The following CSMD1 variants were observed in gnomAD, a reference collection of about 807,000 sequenced individuals.
The protein encoded by CSMD1 is CUB and Sushi multiple domains 1, also known as CUB and sushi domain-containing protein 1.
CSMD1 carries 213 observed loss-of-function variants against 417.5 expected under a neutral mutation model. The observed-to-expected ratio is 0.51, with a 90% CI of 0.46 to 0.57. The LOEUF (loss-of-function observed/expected upper bound fraction) is 0.57. Ranked by LOEUF, CSMD1 falls within the 20% of genes least tolerant of loss-of-function variation. The probability of loss-of-function intolerance (pLI) is 0.00; values close to 1 mark genes in which losing one functional copy is unlikely to be tolerated. For synonymous variants in CSMD1, 2,862 were observed against 1,736.8 expected (o/e 1.65, Z -16.11); for missense variants, 6,923 against 4,529.7 (o/e 1.53, Z -15.17).
intron 2 of CSMD1, among the ~76,000 whole-genome samples, chr8:4,570,548 G>A (rs1013832966): frequency 1.3e-5 from 2 of 152,152 alleles, no homozygotes; most frequent in African/African-American, 2.4e-5. Flanking sequence ...GTATTTTATT[G>A]AGGATTTTCA....
chr8:3,113,019 G>C (rs1156709719), intron 42 of CSMD1: 1 of 152,224 alleles, frequency 6.6e-6, no homozygotes, highest in African/African-American at 2.4e-5. Flanking sequence ...ATTTCCCCAA[G>C]TGGTGGCGTC....
intron 3 of CSMD1, among the ~76,000 whole-genome samples, chr8:4,034,793 C>G (rs915462352): frequency 3.9e-5 from 6 of 152,148 alleles, no homozygotes; most frequent in Admixed American, 2.6e-4. Flanking sequence ...ACTGCTACTG[C>G]TAATTCTTCT....
intron 1 of CSMD1, among the ~76,000 whole-genome samples, chr8:4,963,666 G>A (rs12114470): frequency 0.69 from 105,421 of 152,124 alleles, 37,018 homozygotes; most frequent in Middle Eastern, 0.8. Context: ...ATGAATTTGC[G>A]TTGAAATTCC....
At chr8:4,235,542 G>T (rs191651649) in intron 3 of CSMD1, among the ~76,000 whole-genome samples, 2 of 152,020 alleles carry the variant, frequency 1.3e-5, no homozygotes, top group African/African-American at 4.8e-5. Flanking sequence ...TCTACTCAAA[G>T]TGCTCCGAAT....
intron 2 of CSMD1, among the ~76,000 whole-genome samples, chr8:4,448,605 C>T (rs779106587): frequency 6.6e-5 from 10 of 152,124 alleles, no homozygotes; most frequent in Non-Finnish European, 1.2e-4. Flanking sequence ...GTCTTAGTAT[C>T]AATTAATAAA....
chr8:3,876,038 T>C (rs2129116848), intron 5 of CSMD1, among the ~76,000 whole-genome samples: 1 of 152,320 alleles, frequency 6.6e-6, no homozygotes, highest in African/African-American at 2.4e-5. Flanking sequence ...CCTTTGATCT[T>C]AATACTGCAT....
At chr8:4,630,730 G>C (rs1485706285) in intron 2 of CSMD1, among the ~76,000 whole-genome samples, 1 of 152,066 alleles carries the variant, frequency 6.6e-6, no homozygotes, top group African/African-American at 2.4e-5. Flanking sequence ...CCTCACTAAG[G>C]TACAATAACC....
chr8:4,147,913 G>C (rs919834804), intron 3 of CSMD1, among the ~76,000 whole-genome samples: 1 of 152,068 alleles, frequency 6.6e-6, no homozygotes, highest in Non-Finnish European at 1.5e-5. Flanking sequence ...AGCCTCGGAG[G>C]CTCCTGCAGC....
intron 4 of CSMD1, among the ~76,000 whole-genome samples, chr8:4,028,384 A>C (rs910205479): frequency 6.6e-6 from 1 of 152,162 alleles, no homozygotes; most frequent in Non-Finnish European, 1.5e-5. Context: ...GCTTACAGTA[A>C]GTGGACAATA....
intron 5 of CSMD1, among the ~76,000 whole-genome samples, chr8:3,926,005 ATTTGT>A (rs1809633915): frequency 3.2e-5 from 4 of 123,752 alleles, no homozygotes; most frequent in Admixed American, 2.6e-4. Flanking sequence ...CTAATTGTCT[ATTTGT>A]CTATACACAC....
chr8:3,080,610 C>T (rs1435457186), intron 49 of CSMD1, among the ~76,000 whole-genome samples: 1 of 152,162 alleles, frequency 6.6e-6, no homozygotes, highest in Non-Finnish European at 1.5e-5. Context: ...GGGTTGTGGC[C>T]TGGGGCCTGC....
intron 3 of CSMD1, among the ~76,000 whole-genome samples, chr8:4,125,518 G>A (rs1215520897): frequency 6.6e-6 from 1 of 152,216 alleles, no homozygotes; most frequent in Non-Finnish European, 1.5e-5. Context: ...CGGACCTCCT[G>A]AGACTGTCAG....
intron 3 of CSMD1, among the ~76,000 whole-genome samples, chr8:4,160,143 T>C (rs1797065743): frequency 6.6e-6 from 1 of 152,054 alleles, no homozygotes; most frequent in African/African-American, 2.4e-5. Context: ...ATTCCAAGTA[T>C]TAACTTTGAA....
intron 2 of CSMD1, among the ~76,000 whole-genome samples, chr8:4,584,271 AT>A (rs1310828870): frequency 6.6e-6 from 1 of 151,998 alleles, no homozygotes; most frequent in African/African-American, 2.4e-5. Flanking sequence ...ACTTTCACCT[AT>A]CGCCAAGCAG....
At chr8:3,817,199 A>G (rs1801423005) in intron 5 of CSMD1, among the ~76,000 whole-genome samples, 1 of 142,492 alleles carries the variant, frequency 7.0e-6, no homozygotes, top group Non-Finnish European at 1.5e-5. Context: ...AAAATGGTCA[A>G]TTGTCCACTC....
chr8:3,387,502 C>G lies in CSMD1; in HGVS notation c.2774G>C (p.Ser925Thr), dbSNP rs772278048. ...CACTGAGCTGTACCTACCGTCGCAG[C>G]TGGGCAAGGCGTGGTTCCACTGGTG... Reference protein sequence around the residue: ...RNHQWNHALPSCDALCGGYIQ... With the variant: ...RNHQWNHALPTCDALCGGYIQ... Residue 925 changes from serine to threonine, a missense_variant, in exon 18 of 70, where the codon AGC (serine) becomes ACC (threonine). Physicochemically the swap from Ser to Thr is moderately conservative, Grantham distance 58. Transcript: ENST00000635120. 6.3e-7 allele frequency: 1 copy of G among 1,599,292 alleles called. No homozygotes were observed. Among genetic ancestry groups the G allele is most frequent in the Non-Finnish European group, 8.5e-7 (1 of 1,172,806 alleles).
chr8:4,699,642 G>A (rs1807385726), intron 1 of CSMD1, among the ~76,000 whole-genome samples: 1 of 152,132 alleles, frequency 6.6e-6, no homozygotes, highest in Non-Finnish European at 1.5e-5. Context: ...CCACAAGCCA[G>A]ATAAAAATTT....
intron 5 of CSMD1, among the ~76,000 whole-genome samples, chr8:3,800,579 C>T (rs1800400449): frequency 1.3e-5 from 2 of 152,100 alleles, no homozygotes; most frequent in African/African-American, 2.4e-5. Flanking sequence ...TCCACCAAAA[C>T]CAATGTTGAA....
At chr8:4,404,633 G>C (rs1376716806) in intron 3 of CSMD1, among the ~76,000 whole-genome samples, 1 of 151,914 alleles carries the variant, frequency 6.6e-6, no homozygotes, top group Non-Finnish European at 1.5e-5. Context: ...CCTAAGTAAT[G>C]TGAATTTATA....
Sources: gnomAD v4.1 joint callset for allele counts (sites outside exome capture counted in the v4.1 genomes callset) on GRCh38, gnomAD v4.1.1 for gene constraint, MANE v1.5 for transcripts, NCBI Gene and HGNC (gene_info 2026-07-23, HGNC 2026-07-21) for gene names.